The following KLHL29 variants were observed in gnomAD, a reference collection of about 807,000 sequenced individuals.
KLHL29 encodes kelch-like protein 29.
In KLHL29, 21 loss-of-function variants were observed where a neutral mutation model predicts 80.4. The ratio of observed to expected loss-of-function variants is 0.26; its 90% CI spans 0.19 to 0.38. The LOEUF (loss-of-function observed/expected upper bound fraction) is 0.38. KLHL29 is among the 10% of genes least tolerant of loss of function. KLHL29 has a pLI of 1.00. For synonymous variants in KLHL29, 511 were observed against 526.8 expected (o/e 0.97, Z 0.41); for missense variants, 867 against 1,223.9 (o/e 0.71, Z 4.35).
At position 23,670,970 on chromosome 2, in the gene KLHL29, CTCTCTCTCTCCCTCCCT is replaced by C. The variant is rs1558432932; in HGVS notation, c.941-13428_941-13412del. 2.9e-4 allele frequency among the ~76,000 whole-genome samples: 7 copies of C among 24,398 alleles called. 1 individual carries two copies. In the Admixed American group the frequency reaches 3.0e-3, roughly 10 times the overall value. 16.0% of individuals were successfully genotyped at this position (24,398 alleles called of 152,430 possible). A position where few individuals can be genotyped will look rare whatever the true frequency, so the allele number is the denominator to read the frequency against. On this transcript the variant is annotated intron_variant, in intron 5 of 13. Transcript: ENST00000486442. ...TCTCTCTCTCTCTCTCTCTCTCTCTCTCTCTCTCTCCCTCCCTCCCTCCCTCCCTCCCCCCCCCCACC... is the reference window on the plus strand; with the variant it reads ...TCTCTCTCTCTCTCTCTCTCTCTCTCCCCTCCCTCCCTCCCCCCCCCCACC...
chr2:23,442,995 C>A (rs190291395), intron 1 of KLHL29, among the ~76,000 whole-genome samples: 9 of 152,234 alleles, frequency 5.9e-5, no homozygotes, highest in African/African-American at 2.2e-4. Context: ...GAAATTGTAG[C>A]TGCCACGCTG....
At chr2:23,417,537 C>A (rs1306057441) in intron 1 of KLHL29, among the ~76,000 whole-genome samples, 1 of 152,184 alleles carries the variant, frequency 6.6e-6, no homozygotes, top group Non-Finnish European at 1.5e-5. Flanking sequence ...CTGCGCGATC[C>A]CCACTTTCCT....
At chr2:23,630,722 C>T (rs1669446841) in intron 3 of KLHL29, among the ~76,000 whole-genome samples, 1 of 152,040 alleles carries the variant, frequency 6.6e-6, no homozygotes, top group Non-Finnish European at 1.5e-5. Flanking sequence ...TCCCAACCTC[C>T]AGTGATCCAC....
At chr2:23,544,043 C>T (rs1026232671) in intron 2 of KLHL29, among the ~76,000 whole-genome samples, 5 of 152,172 alleles carry the variant, frequency 3.3e-5, no homozygotes, top group African/African-American at 7.2e-5. Flanking sequence ...CAAAAGCAAC[C>T]GCTTTAAGAC....
chr2:23,406,762 TG>T (rs1402165897), intron 1 of KLHL29, among the ~76,000 whole-genome samples: 1 of 152,196 alleles, frequency 6.6e-6, no homozygotes, highest in Non-Finnish European at 1.5e-5. Flanking sequence ...ACCAACCTCA[TG>T]GGGTAGATAT....
chr2:23,555,333 G>T (rs1446269638), intron 2 of KLHL29, among the ~76,000 whole-genome samples: 2 of 152,192 alleles, frequency 1.3e-5, no homozygotes, highest in African/African-American at 4.8e-5. Flanking sequence ...ACAGGCAGTG[G>T]GAGAAGCCTT....
chr2:23,537,171 C>T (rs867910553), intron 2 of KLHL29, among the ~76,000 whole-genome samples: 5 of 152,264 alleles, frequency 3.3e-5, no homozygotes, highest in South Asian at 4.1e-4. Context: ...TCACTGGTTG[C>T]TCTCGGGCTC....
At chr2:23,489,916 G>A (rs990011900) in intron 2 of KLHL29, among the ~76,000 whole-genome samples, 4 of 152,184 alleles carry the variant, frequency 2.6e-5, no homozygotes, top group African/African-American at 9.7e-5. Flanking sequence ...GGTACCAGGA[G>A]ACTCCTTGTC....
chr2:23,703,238 G>C lies in KLHL29; in HGVS notation c.2158G>C (p.Val720Leu). ...WEAVAPLPKA[V>L]HSAAATVCGG... ...GGCGGTGGCCCCTCTGCCCAAGGCA[G>C]TACACTCTGCTGCAGCCACAGTGTG... is the stretch of plus-strand genomic sequence containing the variant. Residue 720 changes from valine (V) to leucine (L), a missense_variant, in exon 12 of 14, where the codon GTA (valine) becomes CTA (leucine). Physicochemically the swap from Val to Leu is conservative, Grantham distance 32. Coordinates refer to ENST00000486442, the MANE Select transcript of KLHL29 (RefSeq NM_052920.2). 2.0e-6 allele frequency: 3 copies of C among 1,537,108 alleles called. No homozygotes were observed. The highest frequency in any genetic ancestry group is 2.6e-6 in the Non-Finnish European group (3 of 1,139,860).
At chr2:23,633,770 T>C (rs1669534059) in intron 3 of KLHL29, among the ~76,000 whole-genome samples, 1 of 151,656 alleles carries the variant, frequency 6.6e-6, no homozygotes, top group African/African-American at 2.4e-5. Flanking sequence ...TGTGTGTGTG[T>C]GTGTGTGTGT....
At chr2:23,452,316 C>T (rs1042499999) in intron 1 of KLHL29, among the ~76,000 whole-genome samples, 6 of 151,934 alleles carry the variant, frequency 3.9e-5, no homozygotes, top group Non-Finnish European at 8.8e-5. Flanking sequence ...GCCATCATGC[C>T]TTACTGTCAC....
intron 5 of KLHL29, among the ~76,000 whole-genome samples, chr2:23,666,492 A>G (rs1670557253): frequency 6.6e-6 from 1 of 152,176 alleles, no homozygotes; most frequent in Non-Finnish European, 1.5e-5. Context: ...CAAGGCCAAA[A>G]GCCAGCAGGT....
At chr2:23,497,803 C>T (rs764887383) in intron 2 of KLHL29, among the ~76,000 whole-genome samples, 4 of 152,066 alleles carry the variant, frequency 2.6e-5, no homozygotes, top group African/African-American at 7.2e-5. Flanking sequence ...CTGGAGGTGT[C>T]GAGTGGGCCT....
intron 3 of KLHL29, among the ~76,000 whole-genome samples, chr2:23,620,246 G>A (rs576748963): frequency 1.0e-3 from 156 of 152,294 alleles, no homozygotes; most frequent in African/African-American, 3.5e-3. Context: ...GGAGGCCAGC[G>A]GGGCCCATCA....
intron 3 of KLHL29, among the ~76,000 whole-genome samples, chr2:23,570,868 T>G (rs537472693): frequency 6.6e-6 from 1 of 152,342 alleles, no homozygotes; most frequent in South Asian, 2.1e-4. Flanking sequence ...TGAGTCCAGC[T>G]TCATGGATGG....
intron 13 of KLHL29, among the ~76,000 whole-genome samples, chr2:23,705,117 G>C (rs974441985): frequency 2.4e-4 from 36 of 152,228 alleles, no homozygotes; most frequent in African/African-American, 8.4e-4. Context: ...AGCACAGTCT[G>C]ACTACCCCGT....
At chr2:23,433,606 A>G (rs1572508833) in intron 1 of KLHL29, among the ~76,000 whole-genome samples, 1 of 152,204 alleles carries the variant, frequency 6.6e-6, no homozygotes, top group Admixed American at 6.5e-5. Context: ...TCACAAAGCA[A>G]TGATGGTGTC....
At chr2:23,620,968 T>A (rs1344726907) in intron 3 of KLHL29, among the ~76,000 whole-genome samples, 1 of 152,214 alleles carries the variant, frequency 6.6e-6, no homozygotes, top group African/African-American at 2.4e-5. Flanking sequence ...GAAGCCGGAC[T>A]CCCGTCATGA....
At chr2:23,600,028 C>G (rs904155597) in intron 3 of KLHL29, among the ~76,000 whole-genome samples, 13 of 152,142 alleles carry the variant, frequency 8.5e-5, no homozygotes, top group Non-Finnish European at 1.5e-5. Flanking sequence ...GAAGCTTGCT[C>G]CCTGTTTAAA....
Sources: allele counts gnomAD v4.1 joint callset (sites outside exome capture counted in the v4.1 genomes callset), GRCh38; gene constraint gnomAD v4.1.1; transcripts MANE v1.5; gene names NCBI Gene and HGNC (gene_info 2026-07-23, HGNC 2026-07-21).